The following MERTK variants were observed in gnomAD, a reference collection of about 807,000 sequenced individuals.
The protein encoded by MERTK is tyrosine-protein kinase Mer.
MERTK carries 69 observed loss-of-function variants against 99.3 expected under a neutral mutation model. The observed-to-expected ratio is 0.70, with a 90% CI of 0.57 to 0.85. The LOEUF is 0.85. Ranked by LOEUF, MERTK falls within the 40% of genes least tolerant of loss-of-function variation. MERTK has a pLI of 0.00. For missense variants in MERTK, 1,125 were observed against 1,249.4 expected (o/e 0.90, Z 1.50); for synonymous variants, 426 against 467.6 (o/e 0.91, Z 1.15).
At chr2:111,973,468 C>T (rs954505914) in intron 6 of MERTK, among the ~76,000 whole-genome samples, 6 of 152,088 alleles carry the variant, frequency 3.9e-5, no homozygotes, top group Admixed American at 2.6e-4. Flanking sequence ...AACCCCCACA[C>T]CGTACTCCTG....
In MERTK at chr2:111,983,110, A is replaced by G. The variant is rs1443821811; in HGVS notation, c.1296+117A>G. Reference sequence around the variant, plus strand: ...AGACCTGGTGTGATTGAGTTAGGCAAGGCACCTTTCAGGGGAACATAAAGA... The same window carrying G: ...AGACCTGGTGTGATTGAGTTAGGCAGGGCACCTTTCAGGGGAACATAAAGA... On this transcript the variant is annotated intron_variant, in intron 8 of 18. Coordinates refer to ENST00000295408, the MANE Select transcript of MERTK (RefSeq NM_006343.3). The G allele has an allele frequency of 2.5e-6, 3 of 1,196,082 alleles. No individual in the cohort carries two copies. In the East Asian group the frequency reaches 7.2e-5, roughly 29 times the overall value. 74.1% of individuals were successfully genotyped at this position (1,196,082 alleles called of 1,614,324 possible).
intron 7 of MERTK, 143 bp from the exon 8 acceptor site, chr2:111,982,694 TGAAAA>T: frequency 1.2e-6 from 1 of 846,692 alleles, no homozygotes; most frequent in East Asian, 2.5e-5. Flanking sequence ...AAATCTTAGT[TGAAAA>T]GGTGAAAATG....
rs886054760 is a variant in MERTK at position 112,028,921 on chromosome 2, T to C, written c.*57T>C. 2.0e-5 allele frequency: 32 copies of C among 1,610,756 alleles called. No homozygotes were observed. The highest frequency in any genetic ancestry group is 8.8e-5 in the South Asian group (8 of 90,724). ...AGCCAATTCTTCTGCTGTAGGAGAATCCAATTGTACCTGATGTTTTTGGTA... is the reference window on the plus strand; with the variant it reads ...AGCCAATTCTTCTGCTGTAGGAGAACCCAATTGTACCTGATGTTTTTGGTA... On this transcript the variant is annotated 3_prime_UTR_variant, in exon 19 of 19. Coordinates refer to ENST00000295408, the MANE Select transcript of MERTK (RefSeq NM_006343.3).
intron 9 of MERTK, chr2:111,994,853 G>A (rs371777820): frequency 6.9e-5 from 21 of 303,084 alleles, no homozygotes; most frequent in Middle Eastern, 2.2e-3. Context: ...GATATGATAT[G>A]ATAACATGCT....
chr2:112,008,400 CG>C lies in MERTK; in HGVS notation c.1888del (p.Glu630ArgfsTer12), dbSNP rs1558805542. ...TCCTCTAGTGGACAACTCTTCACAG[CG>C]GGAGATCGAGGAGTTTCTCAGTGAG... ...KTMKLDNSSQ[R>X]EIEEFLSEAA... is the part of the protein sequence containing the mutation. On this transcript the variant is annotated frameshift_variant, in exon 14 of 19. Coordinates refer to ENST00000295408, the MANE Select transcript of MERTK (RefSeq NM_006343.3). LOFTEE classifies it high-confidence loss of function. 6.2e-7 allele frequency: 1 copy of C among 1,613,430 alleles called. No individual in the cohort carries two copies. Among genetic ancestry groups the C allele is most frequent in the Admixed American group, 1.7e-5 (1 of 60,002 alleles).
chr2:111,943,989 A>G (rs912711545), intron 2 of MERTK, among the ~76,000 whole-genome samples: 2 of 152,224 alleles, frequency 1.3e-5, no homozygotes, highest in South Asian at 4.1e-4. Context: ...CCACTGGTGC[A>G]GAGTCTACCA....
intron 1 of MERTK, among the ~76,000 whole-genome samples, chr2:111,909,610 T>C (rs1684203235): frequency 1.3e-5 from 2 of 152,178 alleles, no homozygotes; most frequent in South Asian, 4.1e-4. Context: ...CAGACCTTAG[T>C]TATAGATTAG....
At chr2:111,976,583 T>A (rs1676257418) in intron 7 of MERTK, among the ~76,000 whole-genome samples, 1 of 151,582 alleles carries the variant, frequency 6.6e-6, no homozygotes, top group African/African-American at 2.4e-5. Context: ...GGTTATTATA[T>A]ATATGTACAT....
intron 5 of MERTK, among the ~76,000 whole-genome samples, chr2:111,967,819 G>A (rs1300920600): frequency 1.3e-5 from 2 of 152,134 alleles, no homozygotes; most frequent in South Asian, 2.1e-4. Flanking sequence ...ACACAGTAGG[G>A]TCCATGAACA....
chr2:111,940,891 C>A, intron 2 of MERTK: 1 of 708,438 alleles, frequency 1.4e-6, no homozygotes, highest in Non-Finnish European at 2.7e-6. Flanking sequence ...GTGGATGTTT[C>A]TTAAATTACC....
chr2:111,989,103 G>A (rs184712381), intron 8 of MERTK, among the ~76,000 whole-genome samples: 3 of 152,174 alleles, frequency 2.0e-5, no homozygotes, highest in Admixed American at 1.3e-4. Flanking sequence ...CCCCCTACTC[G>A]TTCCCAGGCG....
chr2:111,964,333 C>G lies in MERTK; in HGVS notation c.758-858C>G, dbSNP rs149440580. Among the ~76,000 whole-genome samples the G allele has an allele frequency of 6.5e-3, 979 of 151,696 alleles. 13 individuals are homozygous for G. The highest frequency in any genetic ancestry group is 0.023 in the African/African-American group (943 of 41,394). The stretch of plus-strand genomic sequence containing the variant: ...GGCCATTGGGAACTCTTTGAGTTAG[C>G]TGCTGTGTCTCTTTGACATGCCCCA... On this transcript the variant is annotated intron_variant, in intron 4 of 18. Coordinates refer to ENST00000295408, the MANE Select transcript of MERTK (RefSeq NM_006343.3).
intron 1 of MERTK, among the ~76,000 whole-genome samples, chr2:111,902,766 G>GTTCCTTCC (rs575415189): frequency 8.7e-4 from 117 of 134,762 alleles, no homozygotes; most frequent in Non-Finnish European, 1.6e-3. Context: ...AACCTGATCA[G>GTTCCTTCC]TTCCTTCCTT....
At chr2:111,949,063 T>C (rs1685010031) in intron 4 of MERTK, among the ~76,000 whole-genome samples, 1 of 151,900 alleles carries the variant, frequency 6.6e-6, no homozygotes, top group Non-Finnish European at 1.5e-5. Context: ...CTGTCTCTTC[T>C]ATCTGCTTGC....
Position 112,016,033 on chromosome 2 carries a change from G to A in MERTK, c.2080-3380G>A, listed in dbSNP as rs76615843. Among the ~76,000 whole-genome samples, 76 of 152,210 alleles carry A rather than the reference G, an allele frequency of 5.0e-4. 3 individuals carry two copies. In the East Asian group the frequency reaches 0.015, roughly 29 times the overall value. On this transcript the variant is annotated intron_variant, in intron 15 of 18. Transcript: ENST00000295408. ...TCATTAAACTCTGTGCCCATCCTTT[G>A]CCCCTATCACATTGTCTTGATTACT...
chr2:111,926,464 C>T (rs2104683452), intron 1 of MERTK, among the ~76,000 whole-genome samples: 1 of 152,234 alleles, frequency 6.6e-6, no homozygotes, highest in African/African-American at 2.4e-5. Flanking sequence ...TGTGGTGGCT[C>T]ACGCCTGTAA....
intron 1 of MERTK, among the ~76,000 whole-genome samples, chr2:111,921,829 G>T (rs1684464757): frequency 6.6e-6 from 1 of 152,096 alleles, no homozygotes; most frequent in South Asian, 2.1e-4. Flanking sequence ...CTGGGCTCAA[G>T]CAATCCTCCC....
intron 2 of MERTK, chr2:111,940,798 A>G (rs1684849677): frequency 8.6e-6 from 9 of 1,040,856 alleles, no homozygotes; most frequent in Admixed American, 3.5e-5. Flanking sequence ...AAGCCAGTCA[A>G]TAGCTTCTTG....
At chr2:112,006,383 T>C (rs1676980803) in intron 13 of MERTK, among the ~76,000 whole-genome samples, 1 of 152,142 alleles carries the variant, frequency 6.6e-6, no homozygotes, top group East Asian at 1.9e-4. Flanking sequence ...GTTCAGGAAC[T>C]AGCCCCCAGA....
Sources: allele counts gnomAD v4.1 joint callset (sites outside exome capture counted in the v4.1 genomes callset), GRCh38; gene constraint gnomAD v4.1.1; transcripts MANE v1.5; gene names NCBI Gene and HGNC (gene_info 2026-07-23, HGNC 2026-07-21).